The following EPB41L4A variants were observed in gnomAD, a reference collection of about 807,000 sequenced individuals.
The protein encoded by EPB41L4A is band 4.1-like protein 4A.
A neutral mutation model predicts 108.6 loss-of-function variants in EPB41L4A; 100 were observed. The observed-to-expected ratio is 0.92, with a 90% CI of 0.78 to 1.09. The LOEUF (loss-of-function observed/expected upper bound fraction) is 1.09. Ranked by LOEUF, EPB41L4A falls within the 50% of genes least tolerant of loss-of-function variation. The pLI, the probability that EPB41L4A is intolerant of heterozygous loss-of-function variation, is 0.00. For synonymous variants in EPB41L4A, 319 were observed against 289.0 expected (o/e 1.10, Z -1.05); for missense variants, 1,030 against 842.7 (o/e 1.22, Z -2.75).
At chr5:112,228,315 C>T (rs1348068623) in intron 12 of EPB41L4A, 2 of 152,190 alleles carry the variant, frequency 1.3e-5, no homozygotes, top group African/African-American at 4.8e-5. Context: ...ACACTAGGTC[C>T]ACTCCGCTGC....
intron 1 of EPB41L4A, among the ~76,000 whole-genome samples, 168 bp downstream of exon 1, chr5:112,418,773 C>T (rs966159784): frequency 2.0e-5 from 3 of 152,094 alleles, no homozygotes; most frequent in Non-Finnish European, 2.9e-5. Context: ...AGTTAACTCA[C>T]CCTGGTACGT....
At chr5:112,336,373 G>A (rs895905650) in intron 1 of EPB41L4A, among the ~76,000 whole-genome samples, 4 of 152,134 alleles carry the variant, frequency 2.6e-5, no homozygotes, top group Non-Finnish European at 4.4e-5. Flanking sequence ...ACTGGTTGGG[G>A]GCGGGAGTTC....
intron 1 of EPB41L4A, among the ~76,000 whole-genome samples, chr5:112,339,815 C>T (rs1350940485): frequency 6.6e-6 from 1 of 152,038 alleles, no homozygotes; most frequent in Non-Finnish European, 1.5e-5. Context: ...GGATTATAGG[C>T]GTGAGCCACC....
At chr5:112,284,106 GT>G (rs1753129476) in intron 2 of EPB41L4A, among the ~76,000 whole-genome samples, 1 of 152,236 alleles carries the variant, frequency 6.6e-6, no homozygotes, top group African/African-American at 2.4e-5. Flanking sequence ...TGAAGTCAGT[GT>G]TGCCTAACAG....
chr5:112,345,780 T>TACACACACAC (rs60638685), intron 1 of EPB41L4A, among the ~76,000 whole-genome samples: 1 of 74,604 alleles, frequency 1.3e-5, no homozygotes, highest in African/African-American at 4.5e-5. Context: ...TATATATATA[T>TACACACACAC]ACACACACAC....
At chr5:112,326,927 C>T (rs1296583906) in intron 1 of EPB41L4A, among the ~76,000 whole-genome samples, 1 of 152,172 alleles carries the variant, frequency 6.6e-6, no homozygotes, top group Non-Finnish European at 1.5e-5. Flanking sequence ...AAAATATTCA[C>T]TGATCACCTA....
intron 1 of EPB41L4A, among the ~76,000 whole-genome samples, chr5:112,351,966 C>G (rs1182554659): frequency 2.0e-5 from 3 of 152,114 alleles, no homozygotes; most frequent in East Asian, 3.8e-4. Flanking sequence ...GATAAAAACT[C>G]TCAACAAACT....
At chr5:112,409,994 A>T (rs140108961) in intron 1 of EPB41L4A, among the ~76,000 whole-genome samples, 36 of 152,280 alleles carry the variant, frequency 2.4e-4, no homozygotes, top group African/African-American at 8.4e-4. Flanking sequence ...AAGTACAAAA[A>T]CTACTGCAAT....
chr5:112,197,122 C>CAT (rs35572205), intron 15 of EPB41L4A: 98,520 of 151,888 alleles, frequency 0.65, 31,988 homozygotes, highest in South Asian at 0.73. Flanking sequence ...ACCTCTCACA[C>CAT]AGTCACCTTG....
intron 9 of EPB41L4A, 136 bp downstream of exon 9, chr5:112,259,092 GT>G (rs754517328): frequency 1.5e-6 from 1 of 668,018 alleles, no homozygotes; most frequent in Non-Finnish European, 2.7e-6. Flanking sequence ...TCCTTGAGAA[GT>G]TGTGCATGTG....
intron 9 of EPB41L4A, among the ~76,000 whole-genome samples, chr5:112,244,840 T>G (rs1265997791): frequency 1.3e-5 from 2 of 152,196 alleles, no homozygotes; most frequent in Non-Finnish European, 2.9e-5. Flanking sequence ...GATTCAGGAC[T>G]GCTTTTCATT....
intron 1 of EPB41L4A, among the ~76,000 whole-genome samples, chr5:112,387,858 G>C (rs1256947863): frequency 6.6e-6 from 1 of 152,068 alleles, no homozygotes; most frequent in African/African-American, 2.4e-5. Context: ...AGAGAAAAAA[G>C]CCTTACATTT....
At position 112,275,424 on chromosome 5, in the gene EPB41L4A, T is replaced by C; in HGVS notation, c.257-20A>G. 6.6e-7 allele frequency: 1 copy of C among 1,517,472 alleles called. No individual in the cohort carries two copies. 94.0% of individuals were successfully genotyped at this position (1,517,472 alleles called of 1,614,324 possible). On this transcript the variant is annotated intron_variant, in intron 3 of 22. Coordinates refer to ENST00000261486, the MANE Select transcript of EPB41L4A (RefSeq NM_022140.5). ...GTCCAGCTAAAATAAGAAATAGAAA[T>C]TAAATTTCACTAAAATCATAAATTA...
chr5:112,367,308 A>G (rs1368531225), intron 1 of EPB41L4A, among the ~76,000 whole-genome samples: 3 of 152,128 alleles, frequency 2.0e-5, no homozygotes, highest in African/African-American at 7.2e-5. Flanking sequence ...ATAAAATAAA[A>G]CCTGACATTT....
rs372740992 is a variant in EPB41L4A at position 112,372,345 on chromosome 5, G to T, written c.99+46596C>A. On this transcript the variant is annotated intron_variant, in intron 1 of 22. Coordinates refer to ENST00000261486, the MANE Select transcript of EPB41L4A (RefSeq NM_022140.5). ...TCATGAGAACAGCATAGGGAAAACC[G>T]CCCCCATGATCCAATCACCTCCACC... Among the ~76,000 whole-genome samples the T allele has an allele frequency of 2.0e-5, 3 of 152,098 alleles. No individual in the cohort carries two copies. The South Asian group carries it at 6.2e-4, about 32-fold the overall frequency.
At chr5:112,271,687 G>T (rs1752269675) in intron 4 of EPB41L4A, among the ~76,000 whole-genome samples, 1 of 152,198 alleles carries the variant, frequency 6.6e-6, no homozygotes, top group Non-Finnish European at 1.5e-5. Context: ...TTTTGAATCA[G>T]AACTGAAAAT....
intron 1 of EPB41L4A, among the ~76,000 whole-genome samples, chr5:112,415,119 T>G (rs1464013420): frequency 5.3e-5 from 8 of 152,200 alleles, no homozygotes; most frequent in Admixed American, 5.2e-4. Flanking sequence ...GAATGAAAAT[T>G]GTAATTTTTG....
At chr5:112,360,958 C>T (rs534382015) in intron 1 of EPB41L4A, among the ~76,000 whole-genome samples, 52 of 152,226 alleles carry the variant, frequency 3.4e-4, no homozygotes, top group African/African-American at 1.1e-3. Flanking sequence ...CGTCTCTGAC[C>T]GGCCGCCCCG....
In EPB41L4A at chr5:112,155,773, T is replaced by A. The variant is rs77321123; in HGVS notation, n.994+2628A>T. Among the ~76,000 whole-genome samples the A allele has an allele frequency of 7.5e-3, 1,137 of 152,320 alleles. 6 individuals carry two copies. The highest frequency in any genetic ancestry group is 0.01 in the Admixed American group (157 of 15,298). ...TTATTTGGGGGCCAGGAAGCAAATT[T>A]AATATAGGTTTACCATATTTTACTT... On this transcript the variant is annotated intron_variant and non_coding_transcript_variant, in intron 12 of 13. Coordinates refer to the EPB41L4A transcript ENST00000507810.
Sources: gnomAD v4.1 joint callset for allele counts (sites outside exome capture counted in the v4.1 genomes callset) on GRCh38, gnomAD v4.1.1 for gene constraint, MANE v1.5 for transcripts, NCBI Gene and HGNC (gene_info 2026-07-23, HGNC 2026-07-21) for gene names.